ACSS2: variants seen among roughly 807,000 people sequenced by gnomAD.
The protein encoded by ACSS2 is acetyl-coenzyme A synthetase, cytoplasmic.
A neutral mutation model predicts 90.6 loss-of-function variants in ACSS2; 58 were observed. The ratio of observed to expected loss-of-function variants is 0.64; its 90% CI spans 0.52 to 0.80. The LOEUF (loss-of-function observed/expected upper bound fraction) is 0.80. ACSS2 is among the 30% of genes least tolerant of loss of function. ACSS2 has a pLI of 0.00. For synonymous variants in ACSS2, 300 were observed against 330.9 expected, an observed-to-expected ratio of 0.91 and a Z score of 1.01; for missense variants, 759 against 912.0, an observed-to-expected ratio of 0.83 and a Z score of 2.16.
chr20:34,927,375 C>T lies in ACSS2; in HGVS notation c.*161C>T. ...CTTTGTCTCCAGGTAGAGACAACAT[C>T]CTGTGACTGCCAGGCAGAAAGGACA... On this transcript the variant is annotated 3_prime_UTR_variant, in exon 18 of 18. Transcript: ENST00000360596. The surrounding 1 kb of genome is among the most constrained non-coding windows in gnomAD (Gnocchi z 4.2). 4.3e-6 allele frequency: 4 copies of T among 935,036 alleles called. No homozygotes were observed. Among genetic ancestry groups the T allele is most frequent in the South Asian group, 3.1e-5 (2 of 64,358 alleles). The allele number at this position is 935,036 out of a possible 1,614,324, so 57.9% of individuals were successfully genotyped here. A position where few individuals can be genotyped will look rare whatever the true frequency, so the allele number is the denominator to read the frequency against.
At position 34,914,024 on chromosome 20, in the gene ACSS2, G is replaced by GC; in HGVS notation, c.644-69dup. ...GAGTTAAGAGGCCTACTCAGGAAGG[G>GC]CCCTATGGACATTGTGCCCACTAGG... On this transcript the variant is annotated intron_variant, in intron 5 of 17. Transcript: ENST00000360596. 1.9e-6 allele frequency: 3 copies of GC among 1,541,222 alleles called. No individual in the cohort carries two copies. The South Asian group carries it at 3.4e-5, about 17-fold the overall frequency.
chr20:34,913,443 C>A lies in ACSS2; in HGVS notation c.517C>A (p.Leu173Ile). The stretch of plus-strand genomic sequence containing the variant: ...CATCTACATGCCTATGATCCCAGAG[C>A]TTGTGGTGGCCATGCTGGCATGTGC... ...VAIYMPMIPE[L>I]VVAMLACARI... The change falls in exon 4 of 18, where the codon CTT becomes ATT. Residue 173 changes from leucine to isoleucine, a missense_variant. Transcript: ENST00000360596. 1 of 1,613,768 alleles carries A rather than the reference C, an allele frequency of 6.2e-7. No homozygotes were observed. Among genetic ancestry groups the A allele is most frequent in the Non-Finnish European group, 8.5e-7 (1 of 1,179,972 alleles).
chr20:34,921,066 A>G lies in ACSS2; in HGVS notation c.1204A>G (p.Lys402Glu). 6.2e-7 allele frequency: 1 copy of G among 1,613,356 alleles called. No individual in the cohort carries two copies. Among genetic ancestry groups the G allele is most frequent in the Non-Finnish European group, 8.5e-7 (1 of 1,179,796 alleles). The stretch of plus-strand genomic sequence containing the variant: ...CCTGTGGAGCATTGTGGACAAATAC[A>G]AGGTGACCAAGTTCTACACAGCACC... ...NRLWSIVDKY[K>E]VTKFYTAPTA... Residue 402 changes from lysine to glutamate, a missense_variant, in exon 10 of 18, where the codon AAG (lysine) becomes GAG (glutamate). Lys to Glu is a moderately conservative substitution (Grantham distance 56, BLOSUM62 1). Transcript: ENST00000360596.
chr20:34,921,955 C>A (rs745906414), intron 13 of ACSS2, 89 bp downstream of exon 13: 6 of 1,528,478 alleles, frequency 3.9e-6, no homozygotes, highest in Non-Finnish European at 5.2e-6. Flanking sequence ...CCTAATCTCT[C>A]CTGGTAGCTG....
chr20:34,909,792 C>CT (rs2080903746), intron 2 of ACSS2, among the ~76,000 whole-genome samples: 10 of 151,720 alleles, frequency 6.6e-5, no homozygotes, highest in Admixed American at 6.6e-4. Flanking sequence ...TCGCCGCTCG[C>CT]TGTAGCCTTC....
At chr20:34,910,604 A>G (rs1020173717) in intron 2 of ACSS2, among the ~76,000 whole-genome samples, 2 of 152,218 alleles carry the variant, frequency 1.3e-5, no homozygotes, top group Admixed American at 1.3e-4. Context: ...GCAGTGAGCT[A>G]TGATTGTGCC....
At chr20:34,907,367 C>T (rs2080834355) in intron 2 of ACSS2, among the ~76,000 whole-genome samples, 1 of 152,210 alleles carries the variant, frequency 6.6e-6, no homozygotes, top group African/African-American at 2.4e-5. Flanking sequence ...ATCTACCCAC[C>T]TCAGCCTCCC....
Position 34,914,385 on chromosome 20 carries a change from G to A in ACSS2, c.782G>A (p.Gly261Asp). ...CTGGGGCGGGCAGAGCTCGGCATGGGTGACTCCACCAGCCAGTCCCCCCCA... is the reference window on the plus strand; with the variant it reads ...CTGGGGCGGGCAGAGCTCGGCATGGATGACTCCACCAGCCAGTCCCCCCCA... ...KHLGRAELGM[G>D]DSTSQSPPIK... The change falls in exon 7 of 18, where the codon GGT becomes GAT. Residue 261 changes from glycine (G) to aspartate (D), a missense_variant. Physicochemically the swap from Gly to Asp is moderately conservative, Grantham distance 94 (BLOSUM62 -1). Coordinates refer to ENST00000360596, the MANE Select transcript of ACSS2 (RefSeq NM_018677.4). 1 of 1,613,930 alleles carries A rather than the reference G, an allele frequency of 6.2e-7. No individual in the cohort carries two copies. The highest frequency in any genetic ancestry group is 1.3e-5 in the African/African-American group (1 of 75,052).
chr20:34,915,871 C>A (rs899719810), intron 7 of ACSS2, among the ~76,000 whole-genome samples: 5 of 151,866 alleles, frequency 3.3e-5, no homozygotes, highest in Non-Finnish European at 7.4e-5. Flanking sequence ...AAAGAGTGGG[C>A]CTGAAGTCCA....
rs758594236 is a variant in ACSS2, at chr20:34,926,252, C to G, written c.1874C>G (p.Pro625Arg). Residue 625 changes from proline to arginine, a missense_variant, in exon 16 of 18, where the codon CCC (proline) becomes CGC (arginine). By Grantham distance (103) the Pro-to-Arg change is moderately radical. Coordinates refer to ENST00000360596, the MANE Select transcript of ACSS2 (RefSeq NM_018677.4). ...VTLCDGHTFS[P>R]KLTEELKKQI... ...TTGTGTGATGGCCACACCTTCAGCC[C>G]CAAGCTCACCGAGGAGCTCAAGAAG... 15 of 1,614,024 alleles carry G rather than the reference C, an allele frequency of 9.3e-6. No individual in the cohort carries two copies. In the East Asian group the frequency reaches 3.1e-4, roughly 34 times the overall value.
chr20:34,899,073 G>A lies in ACSS2; in HGVS notation c.375-14023G>A, dbSNP rs973798541. Among the ~76,000 whole-genome samples the A allele has an allele frequency of 2.6e-5, 4 of 152,186 alleles. No individual in the cohort carries two copies. In the East Asian group the frequency reaches 5.8e-4, roughly 22 times the overall value. Reference sequence around the variant, plus strand: ...GCTAAGCCCCTCATTGCCTGGGGCCGGCAGGGCCGGCCGGCTGCTCCGAGT... The same window carrying A: ...GCTAAGCCCCTCATTGCCTGGGGCCAGCAGGGCCGGCCGGCTGCTCCGAGT... On this transcript the variant is annotated intron_variant, in intron 2 of 17. Transcript: ENST00000360596.
intron 14 of ACSS2, among the ~76,000 whole-genome samples, chr20:34,925,493 A>AAC (rs2081296503): frequency 6.6e-6 from 1 of 152,174 alleles, no homozygotes; most frequent in South Asian, 2.1e-4. Flanking sequence ...TAACCCTAGT[A>AAC]CAATGAGAAA....
rs2147111004 is a variant in ACSS2 at position 34,925,723 on chromosome 20, T to C, written c.1683T>C (p.Tyr561=). 1.2e-6 allele frequency: 2 copies of C among 1,613,812 alleles called. No homozygotes were observed. The highest frequency in any genetic ancestry group is 1.1e-5 in the South Asian group (1 of 90,938). Residue 561 remains tyrosine, a synonymous_variant, in exon 15 of 18, where the codon TAT becomes TAC. Coordinates refer to ENST00000360596, the MANE Select transcript of ACSS2 (RefSeq NM_018677.4). The part of the protein sequence containing the change: ...GDGCQRDQDG[Y]YWITGRIDDM... ...GCTGCCAGCGGGACCAGGATGGCTA[T>C]TACTGGATCACTGGCAGGATTGATG...
intron 2 of ACSS2, among the ~76,000 whole-genome samples, chr20:34,911,655 C>T (rs1048220863): frequency 6.6e-6 from 1 of 152,092 alleles, no homozygotes; most frequent in Non-Finnish European, 1.5e-5. Context: ...AGTATTTCTC[C>T]CTAGTCACTC....
chr20:34,921,455 CAG>C lies in ACSS2; in HGVS notation c.1407_1408del (p.Glu469AspfsTer34). ...CCCATCGTGGACACCTTCTGGCAAACAGAGACAGTGAGTGAAGGGTACAGAAG... is the reference window on the plus strand; with the variant it reads ...CCCATCGTGGACACCTTCTGGCAAACAGACAGTGAGTGAAGGGTACAGAAG... On this transcript the variant is annotated frameshift_variant, in exon 11 of 18. Transcript: ENST00000360596. LOFTEE classifies it high-confidence loss of function. The C allele has an allele frequency of 1.9e-6, 3 of 1,614,206 alleles. No homozygotes were observed. The highest frequency in any genetic ancestry group is 2.5e-6 in the Non-Finnish European group (3 of 1,180,030).
chr20:34,912,801 A>T (rs2080991159), intron 2 of ACSS2, among the ~76,000 whole-genome samples: 1 of 152,178 alleles, frequency 6.6e-6, no homozygotes, highest in Non-Finnish European at 1.5e-5. Flanking sequence ...ACTTCTCCTT[A>T]ATACATTACT....
intron 2 of ACSS2, among the ~76,000 whole-genome samples, chr20:34,898,452 A>C (rs537570594): frequency 6.6e-6 from 1 of 151,500 alleles, no homozygotes; most frequent in Non-Finnish European, 1.5e-5. Flanking sequence ...CTAGATACAG[A>C]GTGTCAATTG....
chr20:34,927,231 T>C lies in ACSS2; in HGVS notation c.*17T>C, dbSNP rs555748159. The C allele has an allele frequency of 6.2e-7, 1 of 1,612,222 alleles. No individual in the cohort carries two copies. Among genetic ancestry groups the C allele is most frequent in the Admixed American group, 1.7e-5 (1 of 60,018 alleles). On this transcript the variant is annotated 3_prime_UTR_variant, in exon 18 of 18. Coordinates refer to ENST00000360596, the MANE Select transcript of ACSS2 (RefSeq NM_018677.4). The surrounding 1 kb of genome is among the most constrained non-coding windows in gnomAD (Gnocchi z 4.2). ...ATCCAGTGAACATGATCCTGACCTT[T>C]ACCTAGGATTCCTCCTGCTCCAAAC...
chr20:34,898,224 G>C (rs2080514479), intron 2 of ACSS2, among the ~76,000 whole-genome samples: 1 of 152,144 alleles, frequency 6.6e-6, no homozygotes. Flanking sequence ...GGGGACCTGA[G>C]CGGGTTACCA....
Sources: gnomAD v4.1 joint callset for allele counts (sites outside exome capture counted in the v4.1 genomes callset) on GRCh38, gnomAD v4.1.1 for gene constraint, Gnocchi (gnomAD v3.1) non-coding constraint, MANE v1.5 for transcripts, NCBI Gene and HGNC (gene_info 2026-07-23, HGNC 2026-07-21) for gene names.